Variants in TSHZ2 observed in about 807,000 individuals in gnomAD.
TSHZ2 encodes the protein teashirt zinc finger homeobox 2.
In TSHZ2, 21 loss-of-function variants were observed where a neutral mutation model predicts 74.4. The ratio of observed to expected loss-of-function variants is 0.28; its 90% confidence interval spans 0.20 to 0.41. The LOEUF (loss-of-function observed/expected upper bound fraction) is 0.41, where lower values mean the gene tolerates loss of function less well. TSHZ2 is among the 10% of genes least tolerant of loss of function. The pLI is 1.00. For missense variants in TSHZ2, 1,244 were observed against 1,293.5 expected, an observed-to-expected ratio of 0.96 and a Z score of 0.59; for synonymous variants, 540 against 515.3, an observed-to-expected ratio of 1.05 and a Z score of -0.65.
chr20:53,235,041 T>C (rs1473650554), intron 1 of TSHZ2, among the ~76,000 whole-genome samples: 1 of 147,586 alleles, frequency 6.8e-6, no homozygotes, highest in African/African-American at 2.5e-5. Flanking sequence ...TTCAGTCCCC[T>C]AGGAGCGCAC....
At chr20:53,160,206 G>A (rs895019473) in intron 1 of TSHZ2, among the ~76,000 whole-genome samples, 1 of 152,146 alleles carries the variant, frequency 6.6e-6, no homozygotes, top group African/African-American at 2.4e-5. Flanking sequence ...ACCATACTGG[G>A]CTAAGAATTT....
At position 53,229,285 on chromosome 20, in the gene TSHZ2, C is replaced by G. The variant is rs1216247042; in HGVS notation, c.41-24214C>G. Among the ~76,000 whole-genome samples the G allele has an allele frequency of 4.0e-5, 6 of 151,898 alleles. No homozygotes were observed. The East Asian group carries it at 1.2e-3, about 29-fold the overall frequency. ...GCTAACCCAGTACGTCACCTTTGCC[C>G]TGGGTCAGTACGTCACCTTTGCCCT... On this transcript the variant is annotated intron_variant, in intron 1 of 2. Transcript: ENST00000371497.
At chr20:53,023,109 C>T (rs1389060044) in intron 1 of TSHZ2, among the ~76,000 whole-genome samples, 4 of 152,166 alleles carry the variant, frequency 2.6e-5, no homozygotes, top group Non-Finnish European at 4.4e-5. Context: ...AGTCTCTGTT[C>T]CATATTCTTG....
At chr20:53,394,761 C>CA (rs3042185) in intron 2 of TSHZ2, among the ~76,000 whole-genome samples, 3,280 of 72,268 alleles carry the variant, frequency 0.045, 134 homozygotes, top group African/African-American at 0.081. Context: ...CAATCTGTCT[C>CA]AAAAAAAAAA....
At chr20:53,147,380 A>G (rs1987567295) in intron 1 of TSHZ2, among the ~76,000 whole-genome samples, 1 of 152,204 alleles carries the variant, frequency 6.6e-6, no homozygotes, top group African/African-American at 2.4e-5. Flanking sequence ...GAAGATTTGT[A>G]TGTTAACAGT....
chr20:53,040,126 G>A (rs1042231832), intron 1 of TSHZ2, among the ~76,000 whole-genome samples: 8 of 152,092 alleles, frequency 5.3e-5, no homozygotes, highest in South Asian at 4.1e-4. Flanking sequence ...ACAGTGAATA[G>A]TTAGTTAGGA....
At chr20:53,433,498 G>A (rs1299779727) in intron 2 of TSHZ2, among the ~76,000 whole-genome samples, 1 of 151,870 alleles carries the variant, frequency 6.6e-6, no homozygotes, top group Non-Finnish European at 1.5e-5. Flanking sequence ...CTATGTTCAT[G>A]CCACTGCACT....
At chr20:53,480,164 G>A (rs952353893) in intron 2 of TSHZ2, among the ~76,000 whole-genome samples, 1 of 151,334 alleles carries the variant, frequency 6.6e-6, no homozygotes, top group Non-Finnish European at 1.5e-5. Context: ...CACCTGCTGG[G>A]TTCAAATGAT....
At chr20:53,165,988 T>C (rs1293784693) in intron 1 of TSHZ2, among the ~76,000 whole-genome samples, 1 of 152,216 alleles carries the variant, frequency 6.6e-6, no homozygotes, top group Non-Finnish European at 1.5e-5. Flanking sequence ...TAGTTTCAGA[T>C]GGTGGCATAT....
At chr20:53,453,356 T>C (rs1984887164) in intron 2 of TSHZ2, among the ~76,000 whole-genome samples, 1 of 152,220 alleles carries the variant, frequency 6.6e-6, no homozygotes, top group Non-Finnish European at 1.5e-5. Context: ...TACGAACACA[T>C]TGTCAATAAC....
At chr20:53,182,980 G>A (rs1600728470) in intron 1 of TSHZ2, among the ~76,000 whole-genome samples, 2 of 152,270 alleles carry the variant, frequency 1.3e-5, no homozygotes, top group Middle Eastern at 6.8e-3. Flanking sequence ...TTTCAGTCAG[G>A]ACAAGTGGCC....
intron 1 of TSHZ2, among the ~76,000 whole-genome samples, chr20:53,068,744 T>G (rs1385612397): frequency 6.6e-6 from 1 of 152,210 alleles, no homozygotes; most frequent in African/African-American, 2.4e-5. Flanking sequence ...TATGGTTGGT[T>G]AAGTCCCATA....
At chr20:53,154,825 C>A (rs746222311) in intron 1 of TSHZ2, among the ~76,000 whole-genome samples, 1 of 152,140 alleles carries the variant, frequency 6.6e-6, no homozygotes, top group Non-Finnish European at 1.5e-5. Flanking sequence ...AAGCACATAG[C>A]ATAGTATCTC....
At chr20:53,324,298 G>A (rs182941142) in intron 2 of TSHZ2, among the ~76,000 whole-genome samples, 10 of 152,282 alleles carry the variant, frequency 6.6e-5, no homozygotes, top group South Asian at 2.1e-4. Context: ...AACAGCAGGC[G>A]GGTCCAGTGT....
At chr20:53,282,551 G>A (rs1428335521) in intron 2 of TSHZ2, among the ~76,000 whole-genome samples, 1 of 152,194 alleles carries the variant, frequency 6.6e-6, no homozygotes, top group East Asian at 1.9e-4. Flanking sequence ...CCCCTCAAGG[G>A]CAGAACAGGG....
intron 2 of TSHZ2, among the ~76,000 whole-genome samples, chr20:53,436,814 G>A (rs886192904): frequency 1.1e-4 from 16 of 151,764 alleles, no homozygotes; most frequent in African/African-American, 3.9e-4. Context: ...GCCTCCCAAG[G>A]TGCTGGGATT....
chr20:53,203,778 G>A (rs1414316148), intron 1 of TSHZ2, among the ~76,000 whole-genome samples: 1 of 151,944 alleles, frequency 6.6e-6, no homozygotes. Flanking sequence ...TTTTAAAACT[G>A]CATGTCCCAA....
At chr20:53,435,398 C>T (rs1047130121) in intron 2 of TSHZ2, among the ~76,000 whole-genome samples, 1 of 152,132 alleles carries the variant, frequency 6.6e-6, no homozygotes, top group Admixed American at 6.6e-5. Context: ...TTTCCCCCGC[C>T]CCGGGTAATG....
chr20:53,177,203 C>T (rs1262334429), intron 1 of TSHZ2, among the ~76,000 whole-genome samples: 2 of 152,260 alleles, frequency 1.3e-5, no homozygotes, highest in Middle Eastern at 3.4e-3. Flanking sequence ...ATCTTTGTAA[C>T]CTACCTGCCT....
Sources: allele counts gnomAD v4.1 joint callset (sites outside exome capture counted in the v4.1 genomes callset), GRCh38; gene constraint gnomAD v4.1.1; transcripts MANE v1.5; gene names NCBI Gene and HGNC (gene_info 2026-07-23, HGNC 2026-07-21).